LGR4: variants seen among roughly 807,000 people sequenced by gnomAD.
The protein encoded by LGR4 is leucine rich repeat containing G protein-coupled receptor 4, also known as leucine-rich repeat-containing G protein-coupled receptor 4.
LGR4 carries 44 observed loss-of-function variants against 84.8 expected under a neutral mutation model. The observed-to-expected ratio is 0.52, with a 90% CI of 0.41 to 0.67. The LOEUF is 0.67. Among genes scored for constraint, LGR4 ranks in the 30% least tolerant of loss-of-function variants. LGR4 has a pLI of 0.00. For synonymous variants in LGR4, 429 were observed against 434.3 expected, an observed-to-expected ratio of 0.99 and a Z score of 0.15; for missense variants, 1,032 against 1,131.4, an observed-to-expected ratio of 0.91 and a Z score of 1.26.
intron 1 of LGR4, among the ~76,000 whole-genome samples, chr11:27,464,495 T>A (rs1009584547): frequency 6.6e-6 from 1 of 152,190 alleles, no homozygotes; most frequent in Admixed American, 6.5e-5. Flanking sequence ...TCCCCTCACA[T>A]GAAAACAGCT....
chr11:27,455,864 A>G (rs1235488375), intron 1 of LGR4, among the ~76,000 whole-genome samples: 2 of 152,210 alleles, frequency 1.3e-5, no homozygotes, highest in Non-Finnish European at 2.9e-5. Flanking sequence ...CTCACTTGCC[A>G]TGGTTTCTCC....
chr11:27,380,998 G>T (rs759818199), intron 7 of LGR4, 32 bp from the exon 8 acceptor site: 1 of 1,191,624 alleles, frequency 8.4e-7, no homozygotes, highest in Non-Finnish European at 1.2e-6. Flanking sequence ...ATTTTGAAAT[G>T]CATTATCCTC....
chr11:27,443,035 T>A (rs1442725266), intron 1 of LGR4, among the ~76,000 whole-genome samples: 1 of 152,214 alleles, frequency 6.6e-6, no homozygotes, highest in Non-Finnish European at 1.5e-5. Context: ...TATTATTAAC[T>A]CCAACTGGAG....
chr11:27,472,313 G>GCCTCCCGCGCCGGCC lies in LGR4; in HGVS notation c.-26_-12dup, dbSNP rs1327005409. The GCCTCCCGCGCCGGCC allele has an allele frequency of 7.5e-6, 9 of 1,198,270 alleles. No homozygotes were observed. The highest frequency in any genetic ancestry group is 4.5e-5 in the Admixed American group (1 of 22,386). 74.2% of individuals were successfully genotyped at this position (1,198,270 alleles called of 1,614,324 possible). Reference sequence around the variant, plus strand: ...TAGCGGGCCCGGCATTGCTGCGGCCGCCTCCCGCGCCGGCCTCTCCCGCGG... The same window carrying GCCTCCCGCGCCGGCC: ...TAGCGGGCCCGGCATTGCTGCGGCCGCCTCCCGCGCCGGCCCCTCCCGCGCCGGCCTCTCCCGCGG... On this transcript the variant is annotated 5_prime_UTR_variant, in exon 1 of 18. Transcript: ENST00000379214.
At chr11:27,472,086 C>A (rs1403006681) in intron 1 of LGR4, 32 bp downstream of exon 1, 8 of 1,273,074 alleles carry the variant, frequency 6.3e-6, no homozygotes, top group Admixed American at 4.2e-5. Context: ...CGTTTCCTCC[C>A]CCCCCCTCGC....
chr11:27,415,578 C>T lies in LGR4; in HGVS notation c.186-2718G>A, dbSNP rs566479273. On this transcript the variant is annotated intron_variant, in intron 1 of 17. Transcript: ENST00000379214. ...TACAAACTAACATATGTAAAACACACGGTGAGTTTTTATTTCAAAGCTTCA... is the reference window on the plus strand; with the variant it reads ...TACAAACTAACATATGTAAAACACATGGTGAGTTTTTATTTCAAAGCTTCA... Among the ~76,000 whole-genome samples the T allele has an allele frequency of 9.2e-5, 14 of 152,190 alleles. 1 individual carries two copies. The highest frequency in any genetic ancestry group is 2.6e-4 in the Admixed American group (4 of 15,264).
chr11:27,412,151 G>A (rs749312225), intron 2 of LGR4, among the ~76,000 whole-genome samples: 7 of 152,074 alleles, frequency 4.6e-5, no homozygotes, highest in African/African-American at 7.2e-5. Flanking sequence ...TCAAAAAAGT[G>A]TGGAGAGCAC....
Position 27,368,236 on chromosome 11 carries a change from G to GGAAACT in LGR4, c.2481_2486dup (p.Val828_Ser829dup). 1.2e-6 allele frequency: 2 copies of GGAAACT among 1,614,230 alleles called. No individual in the cohort carries two copies. The highest frequency in any genetic ancestry group is 1.7e-6 in the Non-Finnish European group (2 of 1,180,040). The stretch of plus-strand genomic sequence containing the variant: ...CCAGACAACCACCTTGGCTACTGAT[G>GGAAACT]GAAACTGAAACTGATCCACTTTTCT... On this transcript the variant is annotated inframe_insertion, in exon 18 of 18. Coordinates refer to ENST00000379214, the MANE Select transcript of LGR4 (RefSeq NM_018490.5).
chr11:27,372,241 G>T, intron 16 of LGR4, 42 bp downstream of exon 16: 3 of 1,067,202 alleles, frequency 2.8e-6, no homozygotes, highest in Non-Finnish European at 4.4e-6. Context: ...TTTAATCAAT[G>T]CCTTAAAGGA....
chr11:27,470,227 T>C (rs186619106), intron 1 of LGR4, among the ~76,000 whole-genome samples: 109 of 152,296 alleles, frequency 7.2e-4, no homozygotes, highest in African/African-American at 2.5e-3. Context: ...CACTAACTTA[T>C]TCTAAGGCCC....
chr11:27,372,731 A>G (rs1348834641), intron 15 of LGR4, among the ~76,000 whole-genome samples: 1 of 152,238 alleles, frequency 6.6e-6, no homozygotes, highest in Non-Finnish European at 1.5e-5. Flanking sequence ...TGCACAATTT[A>G]TCATACGAAA....
intron 1 of LGR4, among the ~76,000 whole-genome samples, chr11:27,423,849 G>A (rs916502393): frequency 5.3e-5 from 8 of 152,162 alleles, no homozygotes; most frequent in Non-Finnish European, 1.2e-4. Flanking sequence ...TTTGCAATCA[G>A]AATGAATCAT....
intron 1 of LGR4, among the ~76,000 whole-genome samples, chr11:27,455,104 T>C (rs1490543300): frequency 2.6e-5 from 4 of 152,182 alleles, no homozygotes; most frequent in African/African-American, 4.8e-5. Context: ...GGCACCATCA[T>C]AGTTCCCTGC....
rs1387079528 is a variant in LGR4 at position 27,372,357 on chromosome 11, C to A, written c.1421G>T (p.Trp474Leu). The A allele has an allele frequency of 6.2e-7, 1 of 1,613,432 alleles. No individual in the cohort carries two copies. The highest frequency in any genetic ancestry group is 1.3e-5 in the African/African-American group (1 of 74,892). ...TAAATTTGCATAAGAGTCACAACCC[C>A]AAAATGCACAGCACTGATAAGCATA... ...VPYAYQCCAF[W>L]GCDSYANLNT... The change falls in exon 16 of 18, where the codon TGG (tryptophan) becomes TTG (leucine). Residue 474 changes from tryptophan (W) to leucine (L), a missense_variant. Transcript: ENST00000379214.
chr11:27,374,175 G>C (rs1206106749), intron 13 of LGR4, 129 bp from the exon 14 acceptor site: 1 of 680,796 alleles, frequency 1.5e-6, no homozygotes, highest in African/African-American at 1.8e-5. Context: ...CTTCAATCTT[G>C]GCCAGCAATA....
chr11:27,463,130 T>C (rs1184687999), intron 1 of LGR4, among the ~76,000 whole-genome samples: 1 of 149,228 alleles, frequency 6.7e-6, no homozygotes, highest in Non-Finnish European at 1.5e-5. Flanking sequence ...CACTCACCTG[T>C]AGTCCTAGCT....
chr11:27,382,156 T>C (rs1435985576), intron 7 of LGR4, 32 bp downstream of exon 7: 3 of 1,417,304 alleles, frequency 2.1e-6, no homozygotes, highest in African/African-American at 1.4e-5. Flanking sequence ...TTCAGGGATA[T>C]GAAGACATAA....
intron 1 of LGR4, among the ~76,000 whole-genome samples, chr11:27,435,880 G>A (rs1405528687): frequency 2.6e-5 from 4 of 151,166 alleles, no homozygotes; most frequent in East Asian, 2.0e-4. Flanking sequence ...AGGTTCTATC[G>A]CTATTCTCAT....
At chr11:27,435,903 GAA>G (rs764879424) in intron 1 of LGR4, among the ~76,000 whole-genome samples, 101 of 151,672 alleles carry the variant, frequency 6.7e-4, no homozygotes, top group Non-Finnish European at 1.1e-3. Flanking sequence ...TACAGAACTG[GAA>G]ATGGAACTTC....
Sources: allele counts gnomAD v4.1 joint callset (sites outside exome capture counted in the v4.1 genomes callset), GRCh38; gene constraint gnomAD v4.1.1; transcripts MANE v1.5; gene names NCBI Gene and HGNC (gene_info 2026-07-23, HGNC 2026-07-21).